The following SGCD variants were observed in gnomAD, a reference collection of about 807,000 sequenced individuals.
SGCD encodes the protein sarcoglycan delta.
SGCD carries 18 observed loss-of-function variants against 36.6 expected under a neutral mutation model. The observed-to-expected ratio is 0.49, with a 90% CI of 0.34 to 0.73. The LOEUF (loss-of-function observed/expected upper bound fraction) is 0.73, where lower values mean the gene tolerates loss of function less well. Among genes scored for constraint, SGCD ranks in the 30% least tolerant of loss-of-function variants. The probability of loss-of-function intolerance (pLI) is 0.01; values close to 1 mark genes in which losing one functional copy is unlikely to be tolerated. For synonymous variants in SGCD, 133 were observed against 130.6 expected (o/e 1.02, Z -0.12); for missense variants, 387 against 346.7 (o/e 1.12, Z -0.92).
chr5:155,870,868 C>T lies in SGCD; in HGVS notation c.-282+444C>T, dbSNP rs148612951. Among the ~76,000 whole-genome samples, 13 of 152,132 alleles carry T rather than the reference C, an allele frequency of 8.5e-5. No homozygotes were observed. In the South Asian group the frequency reaches 1.7e-3, roughly 19 times the overall value. The stretch of plus-strand genomic sequence containing the variant: ...GGTTTGACTTACGGGTCACAACACG[C>T]GATCGTTATTTCAGCTTATCACTCT... On this transcript the variant is annotated intron_variant, in intron 1 of 9. Transcript: ENST00000517913.
chr5:156,677,374 A>G (rs573782066), intron 7 of SGCD, among the ~76,000 whole-genome samples: 1 of 152,336 alleles, frequency 6.6e-6, no homozygotes, highest in South Asian at 2.1e-4. Context: ...AGGGACATGG[A>G]TGCAGCTGGA....
intron 6 of SGCD, among the ~76,000 whole-genome samples, chr5:156,637,448 G>A (rs1480143095): frequency 1.1e-4 from 16 of 152,258 alleles, no homozygotes. Context: ...ATGGTCAGAA[G>A]ATGAGATGAC....
intron 3 of SGCD, among the ~76,000 whole-genome samples, chr5:156,349,260 C>T (rs2135041): frequency 0.41 from 61,510 of 151,806 alleles, 13,313 homozygotes; most frequent in East Asian, 0.79. Flanking sequence ...TAAATGGAAC[C>T]TAATTAAACT....
intron 3 of SGCD, among the ~76,000 whole-genome samples, chr5:156,224,531 G>T (rs574497383): frequency 2.0e-5 from 3 of 152,072 alleles, no homozygotes; most frequent in Non-Finnish European, 2.9e-5. Flanking sequence ...ATTAGTTTTT[G>T]TACCAATTGG....
intron 3 of SGCD, among the ~76,000 whole-genome samples, chr5:156,493,472 G>T (rs898408068): frequency 2.0e-5 from 3 of 152,064 alleles, no homozygotes; most frequent in Non-Finnish European, 2.9e-5. Context: ...ATTATGATTG[G>T]GTTCCCTATG....
At chr5:155,771,581 C>T in the SGCD span, among the ~76,000 whole-genome samples, 5 of 151,990 alleles carry the variant, frequency 3.3e-5, no homozygotes, top group East Asian at 1.9e-4. Context: ...TCAATGTGCC[C>T]GGCTAAATTT....
intron 3 of SGCD, among the ~76,000 whole-genome samples, chr5:156,438,121 A>G (rs942259614): frequency 6.6e-5 from 10 of 152,230 alleles, no homozygotes; most frequent in South Asian, 2.1e-4. Context: ...GAGAGAGCAT[A>G]TTTGTCAGAT....
rs1287323625 is a variant in SGCD at position 156,139,645 on chromosome 5, A to G, written c.-44+15626A>G. Reference sequence around the variant, plus strand: ...GAAGACCATTTCTTACAGTTTGGGCAGGAGCACATTCTATTCTTATTCCTC... The same window carrying G: ...GAAGACCATTTCTTACAGTTTGGGCGGGAGCACATTCTATTCTTATTCCTC... On this transcript the variant is annotated intron_variant, in intron 3 of 9. Transcript: ENST00000517913. Among the ~76,000 whole-genome samples, 5 of 152,312 alleles carry G rather than the reference A, an allele frequency of 3.3e-5. No homozygotes were observed. In the East Asian group the frequency reaches 9.7e-4, roughly 29 times the overall value.
intron 1 of SGCD, among the ~76,000 whole-genome samples, chr5:156,077,319 C>T (rs1206530284): frequency 6.6e-6 from 1 of 152,160 alleles, no homozygotes; most frequent in African/African-American, 2.4e-5. Context: ...ATCATTTACC[C>T]ATTTCCCCCT....
At chr5:156,749,528 G>A (rs1197559697) in intron 7 of SGCD, among the ~76,000 whole-genome samples, 1 of 151,846 alleles carries the variant, frequency 6.6e-6, no homozygotes, top group Non-Finnish European at 1.5e-5. Flanking sequence ...AAAAGAAGAC[G>A]TGAAAAAAAT....
chr5:156,286,371 A>G (rs1766596605), intron 3 of SGCD, among the ~76,000 whole-genome samples: 2 of 152,194 alleles, frequency 1.3e-5, no homozygotes, highest in Admixed American at 6.5e-5. Context: ...AGACACATGC[A>G]CACATATGTT....
At chr5:156,705,004 A>T (rs753683195) in intron 7 of SGCD, among the ~76,000 whole-genome samples, 2 of 152,006 alleles carry the variant, frequency 1.3e-5, no homozygotes, top group Non-Finnish European at 2.9e-5. Flanking sequence ...CTGATGTGAA[A>T]GTTTGAGATA....
intron 3 of SGCD, among the ~76,000 whole-genome samples, chr5:156,233,247 A>G (rs1765066639): frequency 6.6e-6 from 1 of 152,268 alleles, no homozygotes; most frequent in South Asian, 2.1e-4. Context: ...ATCCAGAGAA[A>G]GGCAATTATT....
At chr5:156,657,335 T>C (rs1763729355) in intron 7 of SGCD, among the ~76,000 whole-genome samples, 1 of 151,890 alleles carries the variant, frequency 6.6e-6, no homozygotes, top group Non-Finnish European at 1.5e-5. Context: ...CATGTTGGTG[T>C]GCTGCACCCA....
chr5:156,048,809 G>A (rs868850478), intron 1 of SGCD, among the ~76,000 whole-genome samples: 3 of 152,004 alleles, frequency 2.0e-5, no homozygotes, highest in African/African-American at 2.4e-5. Flanking sequence ...CTTTTGCTGC[G>A]CAGAAGCTCT....
chr5:156,644,412 C>A (rs185508420), intron 6 of SGCD, among the ~76,000 whole-genome samples: 2 of 151,918 alleles, frequency 1.3e-5, no homozygotes, highest in South Asian at 4.1e-4. Flanking sequence ...AAGAATTACG[C>A]GTTTTTAGGG....
At chr5:156,350,510 T>C (rs763428697) in intron 3 of SGCD, among the ~76,000 whole-genome samples, 2 of 152,060 alleles carry the variant, frequency 1.3e-5, no homozygotes, top group Admixed American at 1.3e-4. Context: ...CAAGGATACA[T>C]GCTGGAAGAG....
At chr5:155,886,784 T>C (rs244979) in intron 1 of SGCD, among the ~76,000 whole-genome samples, 65,148 of 152,150 alleles carry the variant, frequency 0.43, 16,588 homozygotes, top group Non-Finnish European at 0.58. Flanking sequence ...CCTGCAGCTT[T>C]CAGTGAGTGC....
At chr5:156,432,324 T>C (rs1354435750) in intron 3 of SGCD, among the ~76,000 whole-genome samples, 4 of 152,196 alleles carry the variant, frequency 2.6e-5, no homozygotes, top group Non-Finnish European at 5.9e-5. Context: ...TGGAATTGGC[T>C]GTTATTTTCT....
Sources: gnomAD v4.1 joint callset for allele counts (sites outside exome capture counted in the v4.1 genomes callset) on GRCh38, gnomAD v4.1.1 for gene constraint, MANE v1.5 for transcripts, NCBI Gene and HGNC (gene_info 2026-07-23, HGNC 2026-07-21) for gene names.